The following NRG1 variants were observed in gnomAD, a reference collection of about 807,000 sequenced individuals.
NRG1 encodes the protein neuregulin 1, also known as pro-neuregulin-1, membrane-bound isoform.
In NRG1, 18 loss-of-function variants were observed where a neutral mutation model predicts 63.8. The ratio of observed to expected loss-of-function variants is 0.28; its 90% CI spans 0.19 to 0.42. The LOEUF (loss-of-function observed/expected upper bound fraction) is 0.42. Ranked by LOEUF, NRG1 falls within the 10% of genes least tolerant of loss-of-function variation. NRG1 has a pLI of 1.00. For synonymous variants in NRG1, 302 were observed against 301.3 expected (o/e 1.00, Z -0.02); for missense variants, 762 against 814.7 (o/e 0.94, Z 0.79).
chr8:31,741,341 G>A (rs1350019104), intron 1 of NRG1, among the ~76,000 whole-genome samples: 1 of 151,796 alleles, frequency 6.6e-6, no homozygotes, highest in Admixed American at 6.6e-5. Context: ...TACCAAATCT[G>A]CACATGTACC....
intron 1 of NRG1, among the ~76,000 whole-genome samples, chr8:32,194,737 G>T (rs1461660326): frequency 1.3e-5 from 2 of 151,902 alleles, no homozygotes; most frequent in African/African-American, 4.8e-5. Flanking sequence ...GGAAACCATT[G>T]GTCCAAAGCA....
chr8:32,056,472 G>A (rs1822962721), intron 1 of NRG1, among the ~76,000 whole-genome samples: 1 of 151,834 alleles, frequency 6.6e-6, no homozygotes, highest in Non-Finnish European at 1.5e-5. Context: ...TAATTGATTG[G>A]GCTTTTGTCT....
chr8:31,936,140 C>T (rs1380170083), intron 1 of NRG1, among the ~76,000 whole-genome samples: 1 of 152,152 alleles, frequency 6.6e-6, no homozygotes, highest in Admixed American at 6.5e-5. Flanking sequence ...AAGTGTTATG[C>T]TAAAATATCT....
intron 1 of NRG1, among the ~76,000 whole-genome samples, chr8:32,036,942 C>G (rs577385321): frequency 6.6e-6 from 1 of 152,184 alleles, no homozygotes; most frequent in African/African-American, 2.4e-5. Flanking sequence ...GTCAATTCAT[C>G]CATCTCAGCC....
downstream of NRG1, among the ~76,000 whole-genome samples, chr8:32,769,908 T>C (rs1308907018): frequency 6.6e-6 from 1 of 152,182 alleles, no homozygotes; most frequent in Admixed American, 6.6e-5. Flanking sequence ...ACTTTATTCA[T>C]CAGGGAAATA....
intron 1 of NRG1, among the ~76,000 whole-genome samples, chr8:32,215,088 G>T (rs1429376542): frequency 1.3e-5 from 2 of 152,310 alleles, no homozygotes; most frequent in African/African-American, 2.4e-5. Flanking sequence ...TAGCAGAATT[G>T]TGTCCTATGC....
chr8:31,836,346 A>G (rs942611872), intron 1 of NRG1, among the ~76,000 whole-genome samples: 1 of 152,180 alleles, frequency 6.6e-6, no homozygotes, highest in Non-Finnish European at 1.5e-5. Context: ...ATTGCTAAAT[A>G]GGTCATATAT....
At chr8:31,680,992 A>T (rs7017678) in intron 1 of NRG1, among the ~76,000 whole-genome samples, 1 of 151,922 alleles carries the variant, frequency 6.6e-6, no homozygotes, top group Admixed American at 6.6e-5. Flanking sequence ...AAAATAATAG[A>T]TGATTTCAGA....
intron 1 of NRG1, among the ~76,000 whole-genome samples, chr8:32,211,894 C>T (rs563254132): frequency 1.3e-5 from 2 of 152,118 alleles, no homozygotes; most frequent in East Asian, 3.9e-4. Flanking sequence ...ACTGTTTTCT[C>T]CTAGAGCTTT....
intron 1 of NRG1, among the ~76,000 whole-genome samples, chr8:31,975,173 C>CA (rs1807956026): frequency 6.6e-6 from 1 of 152,148 alleles, no homozygotes; most frequent in Non-Finnish European, 1.5e-5. Flanking sequence ...TTCTGTACAA[C>CA]AACATTATGA....
intron 1 of NRG1, among the ~76,000 whole-genome samples, chr8:31,858,703 G>A (rs1828181624): frequency 6.6e-6 from 1 of 152,142 alleles, no homozygotes; most frequent in Non-Finnish European, 1.5e-5. Flanking sequence ...CATCTGGGAA[G>A]GATGTTCAGC....
chr8:32,487,818 G>A (rs78661410), intron 1 of NRG1, among the ~76,000 whole-genome samples: 2,542 of 152,278 alleles, frequency 0.017, 36 homozygotes, highest in Non-Finnish European at 0.026. Flanking sequence ...CAGGCAACTC[G>A]TTACCGTCCC....
chr8:31,934,166 A>G (rs1256854616), intron 1 of NRG1, among the ~76,000 whole-genome samples: 1 of 152,112 alleles, frequency 6.6e-6, no homozygotes, highest in Non-Finnish European at 1.5e-5. Context: ...TGGGGCATTA[A>G]AATTTTAGTA....
intron 1 of NRG1, among the ~76,000 whole-genome samples, chr8:32,028,321 T>C (rs926389141): frequency 1.3e-5 from 2 of 152,174 alleles, no homozygotes; most frequent in African/African-American, 4.8e-5. Context: ...ATTTCTGATA[T>C]GTATGGTTTA....
At chr8:32,128,810 G>C (rs1834434359) in intron 1 of NRG1, among the ~76,000 whole-genome samples, 1 of 151,886 alleles carries the variant, frequency 6.6e-6, no homozygotes, top group South Asian at 2.1e-4. Context: ...TTCTCAATCT[G>C]TGCCTTTCAT....
chr8:32,611,694 A>T (rs1245713058), intron 3 of NRG1, among the ~76,000 whole-genome samples: 1 of 152,058 alleles, frequency 6.6e-6, no homozygotes, highest in Non-Finnish European at 1.5e-5. Context: ...AAATATGTCC[A>T]CTTTTAAATC....
At chr8:31,723,032 T>C (rs1412163334) in intron 1 of NRG1, among the ~76,000 whole-genome samples, 1 of 152,184 alleles carries the variant, frequency 6.6e-6, no homozygotes, top group Non-Finnish European at 1.5e-5. Flanking sequence ...AGAAATCTTA[T>C]ATTGATGAAC....
chr8:31,931,714 G>C (rs1282791058), intron 1 of NRG1, among the ~76,000 whole-genome samples: 1 of 152,110 alleles, frequency 6.6e-6, no homozygotes, highest in African/African-American at 2.4e-5. Flanking sequence ...ATTTCTAATA[G>C]CTTATCCCAG....
chr8:32,510,991 T>G (rs932374172), intron 1 of NRG1, among the ~76,000 whole-genome samples: 4 of 148,480 alleles, frequency 2.7e-5, no homozygotes, highest in African/African-American at 9.8e-5. Flanking sequence ...GGTCTCCCTA[T>G]TTTTTTCCAT....
Sources: gnomAD v4.1 joint callset for allele counts (sites outside exome capture counted in the v4.1 genomes callset) on GRCh38, gnomAD v4.1.1 for gene constraint, MANE v1.5 for transcripts, NCBI Gene and HGNC (gene_info 2026-07-23, HGNC 2026-07-21) for gene names.